The following SLC49A4 variants were observed in gnomAD, a reference collection of about 807,000 sequenced individuals.
SLC49A4 encodes solute carrier family 49 member 4.
A neutral mutation model predicts 50.6 loss-of-function variants in SLC49A4; 36 were observed. The observed-to-expected ratio is 0.71, with a 90% CI of 0.55 to 0.94. The LOEUF is 0.94. SLC49A4 is among the 40% of genes least tolerant of loss of function. SLC49A4 has a pLI of 0.00. For missense variants in SLC49A4, 503 were observed against 605.7 expected, an observed-to-expected ratio of 0.83 and a Z score of 1.78; for synonymous variants, 248 against 241.2, an observed-to-expected ratio of 1.03 and a Z score of -0.26.
At position 122,872,611 on chromosome 3, in the gene SLC49A4, T is replaced by A; in HGVS notation, c.1321+14T>A. 1 of 1,549,524 alleles carries A rather than the reference T, an allele frequency of 6.5e-7. No homozygotes were observed. Among genetic ancestry groups the A allele is most frequent in the Non-Finnish European group, 8.8e-7 (1 of 1,138,712 alleles). On this transcript the variant is annotated intron_variant, in intron 8 of 8. Transcript: ENST00000261038. The stretch of plus-strand genomic sequence containing the variant: ...TTTATCATACAGGTAAGAAATTTGA[T>A]TTTTTATTTACTATCTAAATGTGTT...
chr3:122,868,459 T>C (rs965593238), intron 7 of SLC49A4, among the ~76,000 whole-genome samples: 1 of 152,328 alleles, frequency 6.6e-6, no homozygotes, highest in East Asian at 1.9e-4. Context: ...TACTTAATGA[T>C]CATGTAGTTT....
Position 122,879,328 on chromosome 3 carries a change from T to G in SLC49A4, c.1387T>G (p.Phe463Val). 3 of 1,614,054 alleles carry G rather than the reference T, an allele frequency of 1.9e-6. No homozygotes were observed. The highest frequency in any genetic ancestry group is 2.5e-6 in the Non-Finnish European group (3 of 1,179,920). ...CLLSLLLILC[F>V]RESYDRLYLD... ...GCTCAGTCTCCTCCTCATTCTGTGC[T>G]TCAGGGAATCCTATGACAGACTCTA... Residue 463 changes from phenylalanine (F) to valine (V), a missense_variant, in exon 9 of 9, where the codon TTC becomes GTC. By Grantham distance (50) the Phe-to-Val change is conservative. Coordinates refer to ENST00000261038, the MANE Select transcript of SLC49A4 (RefSeq NM_032839.3).
At chr3:122,827,466 C>T (rs2107565706) in intron 3 of SLC49A4, among the ~76,000 whole-genome samples, 1 of 152,314 alleles carries the variant, frequency 6.6e-6, no homozygotes, top group East Asian at 1.9e-4. Context: ...TGTAGTTTCT[C>T]CATTATTAGC....
chr3:122,860,554 A>C (rs1050067826), intron 7 of SLC49A4, among the ~76,000 whole-genome samples: 3 of 152,232 alleles, frequency 2.0e-5, no homozygotes, highest in African/African-American at 7.2e-5. Flanking sequence ...TTAACAAGGC[A>C]AAAAACTATG....
At chr3:122,825,589 T>A (rs1269306515) in intron 2 of SLC49A4, among the ~76,000 whole-genome samples, 1 of 151,772 alleles carries the variant, frequency 6.6e-6, no homozygotes, top group Non-Finnish European at 1.5e-5. Flanking sequence ...TTTATTTTTC[T>A]CTTCGGCATT....
intron 2 of SLC49A4, among the ~76,000 whole-genome samples, chr3:122,821,538 G>A (rs147583470): frequency 1.3e-5 from 2 of 152,314 alleles, no homozygotes; most frequent in East Asian, 3.9e-4. Context: ...GAGAAATGCA[G>A]TCCATTAACT....
intron 1 of SLC49A4, among the ~76,000 whole-genome samples, chr3:122,801,608 T>C (rs1435255768): frequency 1.3e-5 from 2 of 151,832 alleles, no homozygotes; most frequent in African/African-American, 2.4e-5. Flanking sequence ...AAAAAAGAAA[T>C]TGAGATTATG....
chr3:122,803,755 TTA>T (rs1936169125), intron 1 of SLC49A4, among the ~76,000 whole-genome samples: 1 of 152,184 alleles, frequency 6.6e-6, no homozygotes, highest in East Asian at 1.9e-4. Context: ...GCCTGATTCT[TTA>T]GACATCTGCT....
intron 4 of SLC49A4, among the ~76,000 whole-genome samples, chr3:122,845,003 A>G (rs1936828887): frequency 6.6e-6 from 1 of 151,956 alleles, no homozygotes; most frequent in African/African-American, 2.4e-5. Context: ...ACGTGTGCAG[A>G]TTTGTTACAT....
At chr3:122,819,753 C>G (rs1936425519) in intron 2 of SLC49A4, among the ~76,000 whole-genome samples, 1 of 151,808 alleles carries the variant, frequency 6.6e-6, no homozygotes, top group Non-Finnish European at 1.5e-5. Flanking sequence ...TTTTCTTGGG[C>G]TAAATAAAGG....
intron 4 of SLC49A4, among the ~76,000 whole-genome samples, chr3:122,842,287 C>G (rs1936781453): frequency 6.6e-6 from 1 of 151,776 alleles, no homozygotes; most frequent in African/African-American, 2.4e-5. Context: ...GAGATCGAGA[C>G]CATCCTGGCT....
chr3:122,795,179 G>C lies in SLC49A4; in HGVS notation c.-14G>C, dbSNP rs981768333. The C allele has an allele frequency of 1.4e-4, 188 of 1,315,068 alleles. No homozygotes were observed. The highest frequency in any genetic ancestry group is 3.4e-4 in the Admixed American group (8 of 23,852). The allele number at this position is 1,315,068 out of a possible 1,614,324, so 81.5% of individuals were successfully genotyped here. On this transcript the variant is annotated 5_prime_UTR_variant, in exon 1 of 9. Coordinates refer to ENST00000261038, the MANE Select transcript of SLC49A4 (RefSeq NM_032839.3). ...GACTGCGCCCGGCAGTGGCTTCGCGGGCGACGCGTCGCCATGGGCTCTCGC... is the reference window on the plus strand; with the variant it reads ...GACTGCGCCCGGCAGTGGCTTCGCGCGCGACGCGTCGCCATGGGCTCTCGC...
chr3:122,859,940 T>C (rs1158749033), intron 6 of SLC49A4, 135 bp from the exon 7 acceptor site: 2 of 870,974 alleles, frequency 2.3e-6, no homozygotes, highest in Admixed American at 7.6e-5. Context: ...AAAATTTGTT[T>C]TAAAAAAACA....
chr3:122,825,572 G>C (rs1406710784), intron 2 of SLC49A4, among the ~76,000 whole-genome samples: 1 of 151,034 alleles, frequency 6.6e-6, no homozygotes, highest in Admixed American at 6.6e-5. Context: ...CTCTCCCCAC[G>C]TGCCTGTTTA....
intron 7 of SLC49A4, among the ~76,000 whole-genome samples, chr3:122,861,526 AAG>A (rs1197616504): frequency 3.9e-5 from 6 of 152,240 alleles, no homozygotes; most frequent in Non-Finnish European, 7.3e-5. Flanking sequence ...AGAAATAAAT[AAG>A]AGTCTGAAAG....
Position 122,860,216 on chromosome 3 carries a change from A to G in SLC49A4, c.1138+14A>G, listed in dbSNP as rs146388658. The G allele has an allele frequency of 1.9e-3, 2,939 of 1,566,440 alleles. 27 individuals carry two copies. In the African/African-American group the frequency reaches 0.024, roughly 13 times the overall value. On this transcript the variant is annotated intron_variant, in intron 7 of 8. Transcript: ENST00000261038. The stretch of plus-strand genomic sequence containing the variant: ...CTTTAACCACAGGTGAGCATAGGCT[A>G]TTTTTGAACTTTTAATAAATATTTT...
chr3:122,873,300 C>T (rs905738254), intron 8 of SLC49A4, among the ~76,000 whole-genome samples: 4 of 152,128 alleles, frequency 2.6e-5, no homozygotes, highest in Non-Finnish European at 4.4e-5. Flanking sequence ...CCGCCTCAGC[C>T]TCCTGAGTAG....
chr3:122,817,985 CTGAAAAACAGTT>C (rs1475007697), intron 2 of SLC49A4, among the ~76,000 whole-genome samples: 2 of 151,986 alleles, frequency 1.3e-5, no homozygotes, highest in Non-Finnish European at 2.9e-5. Context: ...ACTAATCCTC[CTGAAAAACAGTT>C]TGCGAGTATA....
rs554091411 is a variant in SLC49A4 at position 122,800,594 on chromosome 3, C to T, written c.343+5059C>T. On this transcript the variant is annotated intron_variant, in intron 1 of 8. Coordinates refer to ENST00000261038, the MANE Select transcript of SLC49A4 (RefSeq NM_032839.3). ...ATAAAAAGGGGAAAATTGATGATGC[C>T]GGAGGGAAAGGGAGGAACTGCTGTA... Among the ~76,000 whole-genome samples the T allele has an allele frequency of 3.9e-4, 59 of 151,958 alleles. 1 individual carries two copies. Among genetic ancestry groups the T allele is most frequent in the African/African-American group, 1.4e-3 (56 of 41,420 alleles).
Sources: gnomAD v4.1 joint callset for allele counts (sites outside exome capture counted in the v4.1 genomes callset) on GRCh38, gnomAD v4.1.1 for gene constraint, MANE v1.5 for transcripts, NCBI Gene and HGNC (gene_info 2026-07-23, HGNC 2026-07-21) for gene names.